OSBPL8: variants seen among roughly 807,000 people sequenced by gnomAD.
OSBPL8 encodes the protein oxysterol binding protein like 8.
OSBPL8 carries 59 observed loss-of-function variants against 125.5 expected under a neutral mutation model. The ratio of observed to expected loss-of-function variants is 0.47; its 90% CI spans 0.38 to 0.58. The LOEUF is 0.58. Among genes scored for constraint, OSBPL8 ranks in the 20% least tolerant of loss-of-function variants. The pLI is 0.00. For synonymous variants in OSBPL8, 330 were observed against 338.9 expected, an observed-to-expected ratio of 0.97 and a Z score of 0.29; for missense variants, 758 against 1,047.8, an observed-to-expected ratio of 0.72 and a Z score of 3.82.
intron 15 of OSBPL8, among the ~76,000 whole-genome samples, chr12:76,379,871 A>T (rs954289489): frequency 6.6e-6 from 1 of 152,176 alleles, no homozygotes. Flanking sequence ...ATGGGCAAAT[A>T]CCTAGGAGTG....
chr12:76,509,298 C>T (rs1242591678), intron 1 of OSBPL8, among the ~76,000 whole-genome samples: 1 of 152,162 alleles, frequency 6.6e-6, no homozygotes, highest in East Asian at 1.9e-4. Flanking sequence ...CTCTCTGATA[C>T]TCACATGACA....
intron 4 of OSBPL8, among the ~76,000 whole-genome samples, chr12:76,426,177 C>T (rs1245953378): frequency 6.6e-6 from 1 of 152,198 alleles, no homozygotes; most frequent in Non-Finnish European, 1.5e-5. Context: ...AGCAGCTGAG[C>T]TTCAGACAAT....
At chr12:76,524,066 G>A (rs1334367960) in intron 1 of OSBPL8, among the ~76,000 whole-genome samples, 1 of 151,986 alleles carries the variant, frequency 6.6e-6, no homozygotes, top group African/African-American at 2.4e-5. Flanking sequence ...ATCATTTATA[G>A]TACATACATA....
chr12:76,504,588 C>T lies in OSBPL8; in HGVS notation c.-67-16970G>A, dbSNP rs141998395. On this transcript the variant is annotated intron_variant, in intron 1 of 23. Transcript: ENST00000261183. ...GAAAATTATGACAATGAAAGGGATT[C>T]GACCTAACCAACTCCATCTTGCCTT... Among the ~76,000 whole-genome samples, 1,194 of 152,286 alleles carry T rather than the reference C, an allele frequency of 7.8e-3. 16 individuals carry two copies. The highest frequency in any genetic ancestry group is 0.027 in the African/African-American group (1,130 of 41,548).
At chr12:76,498,605 T>G (rs1404428507) in intron 1 of OSBPL8, among the ~76,000 whole-genome samples, 1 of 152,204 alleles carries the variant, frequency 6.6e-6, no homozygotes, top group African/African-American at 2.4e-5. Flanking sequence ...AACGCAGACA[T>G]TTTATAAGCT....
intron 1 of OSBPL8, among the ~76,000 whole-genome samples, chr12:76,535,703 A>G (rs756268524): frequency 4.6e-5 from 7 of 152,336 alleles, no homozygotes; most frequent in Admixed American, 6.5e-5. Flanking sequence ...TAGTATTCCT[A>G]TACCATGGAA....
intron 5 of OSBPL8, 45 bp from the exon 6 acceptor site, chr12:76,402,811 C>T (rs762419337): frequency 8.2e-7 from 1 of 1,213,182 alleles, no homozygotes; most frequent in South Asian, 1.3e-5. Context: ...TTCAGATTTT[C>T]TACACGTCGC....
At chr12:76,369,171 A>C (rs2136187547) in intron 21 of OSBPL8, 43 bp downstream of exon 21, 1 of 1,577,076 alleles carries the variant, frequency 6.3e-7, no homozygotes, top group East Asian at 2.2e-5. Flanking sequence ...CTAAAGATTT[A>C]ACAGATTTAT....
chr12:76,519,601 G>GA (rs1207610576), intron 1 of OSBPL8, among the ~76,000 whole-genome samples: 1 of 152,076 alleles, frequency 6.6e-6, no homozygotes, highest in Non-Finnish European at 1.5e-5. Context: ...ATACATACCT[G>GA]AATCTGGGTA....
chr12:76,409,121 C>A (rs2136407935), intron 5 of OSBPL8, among the ~76,000 whole-genome samples: 1 of 152,098 alleles, frequency 6.6e-6, no homozygotes, highest in African/African-American at 2.4e-5. Context: ...AACTCACTAC[C>A]CGAAAATATA....
At chr12:76,521,128 C>T (rs889842078) in intron 1 of OSBPL8, among the ~76,000 whole-genome samples, 3 of 152,208 alleles carry the variant, frequency 2.0e-5, no homozygotes, top group African/African-American at 7.2e-5. Context: ...CTTACACCCA[C>T]TAACTCACCA....
chr12:76,557,467 T>C (rs1045099158), intron 1 of OSBPL8, among the ~76,000 whole-genome samples: 1 of 151,908 alleles, frequency 6.6e-6, no homozygotes, highest in African/African-American at 2.4e-5. Context: ...ATACAAAAAT[T>C]AGCCTGGCAT....
At chr12:76,371,021 C>T (rs1282952130) in intron 19 of OSBPL8, among the ~76,000 whole-genome samples, 1 of 152,084 alleles carries the variant, frequency 6.6e-6, no homozygotes, top group Admixed American at 6.6e-5. Context: ...CCTATAGAAG[C>T]CAGTCCATCC....
At chr12:76,396,871 G>A (rs1326184562) in intron 8 of OSBPL8, among the ~76,000 whole-genome samples, 1 of 151,948 alleles carries the variant, frequency 6.6e-6, no homozygotes, top group Non-Finnish European at 1.5e-5. Context: ...AAGTGCAGTG[G>A]CACGCTCATG....
intron 1 of OSBPL8, among the ~76,000 whole-genome samples, chr12:76,553,793 T>C (rs1951013949): frequency 6.6e-6 from 1 of 151,748 alleles, no homozygotes; most frequent in Admixed American, 6.6e-5. Context: ...CTGGCCAATA[T>C]GGTGAAACCC....
At chr12:76,474,627 A>G (rs1649735473) in intron 2 of OSBPL8, among the ~76,000 whole-genome samples, 2 of 152,046 alleles carry the variant, frequency 1.3e-5, no homozygotes, top group Admixed American at 1.3e-4. Flanking sequence ...GACCACAGGC[A>G]CATGCCACCA....
chr12:76,538,165 G>A (rs1292500497), intron 1 of OSBPL8, among the ~76,000 whole-genome samples: 2 of 152,070 alleles, frequency 1.3e-5, no homozygotes, highest in Admixed American at 1.3e-4. Context: ...TAACCTTAAC[G>A]ACTTTTGCTT....
intron 1 of OSBPL8, among the ~76,000 whole-genome samples, chr12:76,488,053 T>C (rs1458795646): frequency 1.3e-5 from 2 of 152,210 alleles, no homozygotes; most frequent in Admixed American, 6.5e-5. Flanking sequence ...AAAATATGTA[T>C]GTTTTAATCC....
rs1430064015 is a variant in OSBPL8, at chr12:76,355,816, C to T, written c.*73G>A. 1.9e-5 allele frequency: 28 copies of T among 1,505,544 alleles called. No individual in the cohort carries two copies. The highest frequency in any genetic ancestry group is 2.3e-5 in the Non-Finnish European group (26 of 1,118,864). 93.3% of individuals were successfully genotyped at this position (1,505,544 alleles called of 1,614,324 possible). A position where few individuals can be genotyped will look rare whatever the true frequency, so the allele number is the denominator to read the frequency against. On this transcript the variant is annotated 3_prime_UTR_variant, in exon 24 of 24. Transcript: ENST00000261183. ...GGAATATTGTGATTTTTAATAAAGA[C>T]CAAACCAACTTGAACACTGGTCCCA...
Sources: allele counts gnomAD v4.1 joint callset (sites outside exome capture counted in the v4.1 genomes callset), GRCh38; gene constraint gnomAD v4.1.1; transcripts MANE v1.5; gene names NCBI Gene and HGNC (gene_info 2026-07-23, HGNC 2026-07-21).